RBM33: variants seen among roughly 807,000 people sequenced by gnomAD.
The protein encoded by RBM33 is RNA-binding protein 33.
Under a neutral mutation model 132.6 loss-of-function variants are expected in RBM33, and 28 were observed. The ratio of observed to expected loss-of-function variants is 0.21; its 90% CI spans 0.16 to 0.29. The LOEUF (loss-of-function observed/expected upper bound fraction) is 0.29. Ranked by LOEUF, RBM33 falls within the 10% of genes least tolerant of loss-of-function variation. RBM33 has a pLI of 1.00. For synonymous variants in RBM33, 634 were observed against 593.0 expected, an observed-to-expected ratio of 1.07 and a Z score of -1.01; for missense variants, 1,291 against 1,518.5, an observed-to-expected ratio of 0.85 and a Z score of 2.49.
chr7:155,741,219 C>T (rs186604272), intron 12 of RBM33, among the ~76,000 whole-genome samples: 1 of 151,090 alleles, frequency 6.6e-6, no homozygotes, highest in Non-Finnish European at 1.5e-5. Context: ...CCCCCTGCTT[C>T]CCCCCTCCCC....
intron 14 of RBM33, among the ~76,000 whole-genome samples, chr7:155,759,412 GT>G (rs1801955596): frequency 7.8e-6 from 1 of 128,654 alleles, no homozygotes; most frequent in South Asian, 2.4e-4. Context: ...CAATGTTTAT[GT>G]TCTTTTTTTT....
chr7:155,735,268 AG>A (rs1563166620), intron 9 of RBM33, among the ~76,000 whole-genome samples: 1 of 152,224 alleles, frequency 6.6e-6, no homozygotes, highest in Non-Finnish European at 1.5e-5. Flanking sequence ...TTAAAACAAG[AG>A]GAAAAAACTT....
intron 2 of RBM33, among the ~76,000 whole-genome samples, chr7:155,667,234 A>G (rs1798823541): frequency 6.6e-6 from 1 of 152,152 alleles, no homozygotes; most frequent in Admixed American, 6.5e-5. Flanking sequence ...TTTATCAGAC[A>G]TCCAGTTCTA....
At chr7:155,704,577 C>T (rs1238441490) in intron 6 of RBM33, among the ~76,000 whole-genome samples, 1 of 152,106 alleles carries the variant, frequency 6.6e-6, no homozygotes, top group Non-Finnish European at 1.5e-5. Flanking sequence ...GCTCTCTTTT[C>T]GTCTAGGAGG....
intron 1 of RBM33, among the ~76,000 whole-genome samples, chr7:155,662,113 G>C (rs1315551027): frequency 6.6e-6 from 1 of 152,136 alleles, no homozygotes; most frequent in Non-Finnish European, 1.5e-5. Context: ...TTGCTCCGCA[G>C]TGACCACAGC....
In RBM33 at chr7:155,779,069, G is replaced by A. The variant is rs1382073247; in HGVS notation, c.*4028G>A. On this transcript the variant is annotated 3_prime_UTR_variant, in exon 18 of 18. Transcript: ENST00000401878. ...GGGTGACTTCAGGCTTCCCGCTTTC[G>A]TGGTGCTCTTCCTGGGATTCGTTTT... 7 of 152,140 alleles carry A rather than the reference G, an allele frequency of 4.6e-5. No individual in the cohort carries two copies. Among genetic ancestry groups the A allele is most frequent in the Non-Finnish European group, 7.3e-5 (5 of 68,072 alleles). The allele number at this position is 152,140 out of a possible 1,614,324, so 9.4% of individuals were successfully genotyped here.
intron 1 of RBM33, among the ~76,000 whole-genome samples, chr7:155,662,195 C>A (rs957992994): frequency 4.9e-4 from 74 of 152,120 alleles, no homozygotes; most frequent in African/African-American, 1.7e-3. Flanking sequence ...GCACACCTTC[C>A]GTAATGCTCT....
At chr7:155,650,857 G>A (rs1798334067) in intron 1 of RBM33, among the ~76,000 whole-genome samples, 1 of 152,080 alleles carries the variant, frequency 6.6e-6, no homozygotes, top group Admixed American at 6.6e-5. Context: ...CAATGCCACA[G>A]CTTCTTTTTG....
At chr7:155,673,768 G>GCACGCACACACA (rs1554469953) in intron 3 of RBM33, among the ~76,000 whole-genome samples, 4 of 132,962 alleles carry the variant, frequency 3.0e-5, no homozygotes, top group South Asian at 2.3e-4. Context: ...GCGCATGCGC[G>GCACGCACACACA]CACACACACA....
chr7:155,706,019 C>G (rs1800101467), intron 6 of RBM33, among the ~76,000 whole-genome samples: 1 of 152,172 alleles, frequency 6.6e-6, no homozygotes, highest in Non-Finnish European at 1.5e-5. Context: ...ATGAAATCAC[C>G]TTGACTTCGG....
chr7:155,767,381 C>G (rs1014016749), intron 16 of RBM33, among the ~76,000 whole-genome samples: 1 of 152,230 alleles, frequency 6.6e-6, no homozygotes, highest in African/African-American at 2.4e-5. Flanking sequence ...TCTGGTGTGT[C>G]TGGGGGCAGA....
rs1222212017 is a variant in RBM33 at position 155,780,171 on chromosome 7, A to AAGCTGTATGCGTTCT, written c.*5146_*5160dup. 3.9e-5 allele frequency: 6 copies of AAGCTGTATGCGTTCT among 152,334 alleles called. No individual in the cohort carries two copies. The highest frequency in any genetic ancestry group is 4.1e-4 in the South Asian group (2 of 4,828). The allele number at this position is 152,334 out of a possible 1,614,324, so 9.4% of individuals were successfully genotyped here. On this transcript the variant is annotated 3_prime_UTR_variant, in exon 18 of 18. Coordinates refer to ENST00000401878, the MANE Select transcript of RBM33 (RefSeq NM_053043.3). ...GAAGCTGGTTTTGCAAGGACTGTGT[A>AAGCTGTATGCGTTCT]AGCTGTATGCGTTCTAGCTGTATGC...
chr7:155,754,153 T>C (rs150073659), intron 14 of RBM33, among the ~76,000 whole-genome samples: 1 of 152,334 alleles, frequency 6.6e-6, no homozygotes, highest in Non-Finnish European at 1.5e-5. Context: ...TCCATACTCA[T>C]TAATTTATGA....
At chr7:155,722,217 T>C (rs1232086839) in intron 9 of RBM33, among the ~76,000 whole-genome samples, 1 of 152,218 alleles carries the variant, frequency 6.6e-6, no homozygotes, top group Admixed American at 6.5e-5. Flanking sequence ...CCCTCAGAGC[T>C]TAACATGTCC....
Position 155,697,638 on chromosome 7 carries a change from T to C in RBM33, c.568-3135T>C, listed in dbSNP as rs934942390. Among the ~76,000 whole-genome samples, 3 of 152,162 alleles carry C rather than the reference T, an allele frequency of 2.0e-5. No homozygotes were observed. The East Asian group carries it at 5.8e-4, about 29-fold the overall frequency. On this transcript the variant is annotated intron_variant, in intron 5 of 17. Coordinates refer to ENST00000401878, the MANE Select transcript of RBM33 (RefSeq NM_053043.3). ...CAGAGAACTACCCATTGTTTCTGTTTAGATTTTGGGATAGAATATTGAATT... is the reference window on the plus strand; with the variant it reads ...CAGAGAACTACCCATTGTTTCTGTTCAGATTTTGGGATAGAATATTGAATT...
intron 5 of RBM33, among the ~76,000 whole-genome samples, chr7:155,693,142 G>T (rs1799693650): frequency 6.6e-6 from 1 of 152,142 alleles, no homozygotes; most frequent in African/African-American, 2.4e-5. Flanking sequence ...CTACTAAATG[G>T]TGGAATTATT....
intron 7 of RBM33, among the ~76,000 whole-genome samples, chr7:155,710,304 C>T (rs1416275534): frequency 6.6e-6 from 1 of 152,180 alleles, no homozygotes; most frequent in African/African-American, 2.4e-5. Flanking sequence ...GGCTTTTCTC[C>T]TTTCCAGCTA....
Position 155,738,355 on chromosome 7 carries a change from A to G in RBM33, c.1689A>G (p.Pro563=). 1.2e-6 allele frequency: 2 copies of G among 1,613,982 alleles called. No homozygotes were observed. The highest frequency in any genetic ancestry group is 1.7e-6 in the Non-Finnish European group (2 of 1,179,876). The change falls in exon 11 of 18, where the codon CCA becomes CCG. Residue 563 remains proline, a synonymous_variant. Transcript: ENST00000401878. ...PFIPPRQPFL[P]GPGQPFLPTH... ...TTCCTCCTAGACAGCCGTTCCTGCC[A>G]GGCCCAGGACAGCCGTTTCTGCCCA...
intron 8 of RBM33, among the ~76,000 whole-genome samples, chr7:155,715,096 C>T (rs1400628216): frequency 6.6e-6 from 1 of 152,162 alleles, no homozygotes; most frequent in Non-Finnish European, 1.5e-5. Flanking sequence ...CGCTCATCCA[C>T]ACATCCTCTT....
Sources: allele counts gnomAD v4.1 joint callset (sites outside exome capture counted in the v4.1 genomes callset), GRCh38; gene constraint gnomAD v4.1.1; transcripts MANE v1.5; gene names NCBI Gene and HGNC (gene_info 2026-07-23, HGNC 2026-07-21).